Variants in DCLRE1A observed in about 807,000 individuals in gnomAD.
The protein encoded by DCLRE1A is DNA cross-link repair 1A protein.
DCLRE1A carries 64 observed loss-of-function variants against 91.9 expected under a neutral mutation model. The observed-to-expected ratio is 0.70, with a 90% CI of 0.57 to 0.86. The LOEUF (loss-of-function observed/expected upper bound fraction) is 0.86, where lower values mean the gene tolerates loss of function less well. Ranked by LOEUF, DCLRE1A falls within the 40% of genes least tolerant of loss-of-function variation. The probability of loss-of-function intolerance (pLI) is 0.00; values close to 1 mark genes in which losing one functional copy is unlikely to be tolerated. For synonymous variants in DCLRE1A, 416 were observed against 431.1 expected, an observed-to-expected ratio of 0.96 and a Z score of 0.43; for missense variants, 1,145 against 1,213.3, an observed-to-expected ratio of 0.94 and a Z score of 0.84.
chr10:113,848,911 T>A, intron 2 of DCLRE1A, 69 bp downstream of exon 2: 1 of 1,417,504 alleles, frequency 7.1e-7, no homozygotes, highest in Non-Finnish European at 9.7e-7. Flanking sequence ...ACACACACAA[T>A]GGGCAATAAA....
chr10:113,850,312 C>G lies in DCLRE1A; in HGVS notation c.793G>C (p.Val265Leu), dbSNP rs150197457. Residue 265 changes from valine to leucine, a missense_variant, in exon 2 of 9, where the codon GTT becomes CTT. By Grantham distance (32) the Val-to-Leu change is conservative. Coordinates refer to ENST00000361384, the MANE Select transcript of DCLRE1A (RefSeq NM_014881.5). ...ACTCCCACTAGTTTGTCATTCTCAA[C>G]AAAATCTGTAAATTGTAGAGCTTGT... ...SQQALQFTDF[V>L]ENDKLVGVAL... 5.0e-6 allele frequency: 8 copies of G among 1,614,198 alleles called. No homozygotes were observed. Among genetic ancestry groups the G allele is most frequent in the Non-Finnish European group, 3.4e-6 (4 of 1,180,040 alleles).
intron 4 of DCLRE1A, 126 bp downstream of exon 4, chr10:113,845,559 C>A: frequency 1.4e-6 from 1 of 705,372 alleles, no homozygotes. Context: ...AAAGGAGAAA[C>A]ATCTTACTCA....
chr10:113,844,338 A>C, intron 4 of DCLRE1A, 94 bp from the exon 5 acceptor site: 3 of 1,490,900 alleles, frequency 2.0e-6, no homozygotes, highest in South Asian at 2.6e-5. Context: ...ACGCTTTATT[A>C]GCTGACCACA....
In DCLRE1A at chr10:113,850,131, A is replaced by ACAAC. The variant is rs754258153; in HGVS notation, c.973_974insGTTG (p.Phe325CysfsTer15). 2 of 1,614,128 alleles carry ACAAC rather than the reference A, an allele frequency of 1.2e-6. No individual in the cohort carries two copies. Among genetic ancestry groups the ACAAC allele is most frequent in the South Asian group, 2.2e-5 (2 of 91,082 alleles). On this transcript the variant is annotated frameshift_variant, in exon 2 of 9. Transcript: ENST00000361384. LOFTEE classifies it high-confidence loss of function. ...GCTGCCATCTTTTGAGCTTTCGGTA[A>ACAAC]AAAACAGTTGTTCTTGTGAATCATC...
In DCLRE1A at chr10:113,835,143, G is replaced by T; in HGVS notation, c.*9C>A. 1 of 1,611,622 alleles carries T rather than the reference G, an allele frequency of 6.2e-7. No individual in the cohort carries two copies. The highest frequency in any genetic ancestry group is 1.7e-4 in the Middle Eastern group (1 of 6,044). On this transcript the variant is annotated 3_prime_UTR_variant, in exon 9 of 9. Transcript: ENST00000361384. ...GAACTTAACTACTACTGAATCCTCG[G>T]AGGTATCATCAATATCCAGCTTCCA...
intron 7 of DCLRE1A, among the ~76,000 whole-genome samples, chr10:113,838,490 AAACAAAAACTTT>A (rs2134647280): frequency 6.6e-6 from 1 of 152,334 alleles, no homozygotes; most frequent in East Asian, 1.9e-4. Context: ...CTTGTACCAT[AAACAAAAACTTT>A]GGATACTATC....
chr10:113,844,178 G>C lies in DCLRE1A; in HGVS notation c.2445C>G (p.Asp815Glu). The change falls in exon 5 of 9, where the codon GAC becomes GAG. Residue 815 changes from aspartate (D) to glutamate (E), a missense_variant. Physicochemically the swap from Asp to Glu is conservative, Grantham distance 45. Coordinates refer to ENST00000361384, the MANE Select transcript of DCLRE1A (RefSeq NM_014881.5). The part of the protein sequence containing the change: ...PNGTVILHTG[D>E]FRADPSMERS... ...GTTCCATGCTGGGATCTGCTCTGAA[G>C]TCTCCCGTGTGTAATATGACAGTAC... 2.5e-6 allele frequency: 4 copies of C among 1,614,170 alleles called. No homozygotes were observed. Among genetic ancestry groups the C allele is most frequent in the Non-Finnish European group, 3.4e-6 (4 of 1,180,024 alleles).
chr10:113,844,632 T>C (rs1845501637), intron 4 of DCLRE1A, among the ~76,000 whole-genome samples: 1 of 152,194 alleles, frequency 6.6e-6, no homozygotes, highest in South Asian at 2.1e-4. Flanking sequence ...CCCCATAAAG[T>C]TGACTTTAAA....
chr10:113,844,134 T>A lies in DCLRE1A; in HGVS notation c.2489A>T (p.Gln830Leu). 1 of 1,614,204 alleles carries A rather than the reference T, an allele frequency of 6.2e-7. No individual in the cohort carries two copies. Among genetic ancestry groups the A allele is most frequent in the Non-Finnish European group, 8.5e-7 (1 of 1,180,022 alleles). Residue 830 changes from glutamine to leucine, a missense_variant, in exon 5 of 9, where the codon CAG (glutamine) becomes CTG (leucine). Transcript: ENST00000361384. ...ATCTAAGTACAGCATATGGACTTTC[T>A]GGTCCGCAAGAAGAGAACGTTCCAT... ...PSMERSLLADQKVHMLYLDTT... is the reference protein window; with the variant it reads ...PSMERSLLADLKVHMLYLDTT...
In DCLRE1A at chr10:113,837,135, T is replaced by A. The variant is rs758587556; in HGVS notation, c.2889A>T (p.Gly963=). 1 of 1,613,554 alleles carries A rather than the reference T, an allele frequency of 6.2e-7. No homozygotes were observed. The highest frequency in any genetic ancestry group is 1.7e-5 in the Admixed American group (1 of 59,952). ...TAGTGAACTTGTTAGAGTGTGTCCA[T>A]CCTGTAGGTCGAAATGCCAAAATCT... ...YNQILAFRPT[G]WTHSNKFTRI... The change falls in exon 8 of 9, where the codon GGA becomes GGT. Residue 963 remains glycine, a synonymous_variant. Coordinates refer to ENST00000361384, the MANE Select transcript of DCLRE1A (RefSeq NM_014881.5).
At position 113,849,195 on chromosome 10, in the gene DCLRE1A, CTCT is replaced by C. The variant is rs1845595872; in HGVS notation, c.1907_1909del (p.Lys636del). ...CTGCAGTGAATTTGACTTTCTACAT[CTCT>C]TTTTTTGACGCTGTGACCTCTCACT... On this transcript the variant is annotated inframe_deletion, in exon 2 of 9. Transcript: ENST00000361384. The C allele has an allele frequency of 2.5e-6, 4 of 1,613,966 alleles. No individual in the cohort carries two copies. The highest frequency in any genetic ancestry group is 1.7e-5 in the Admixed American group (1 of 60,012).
intron 8 of DCLRE1A, 96 bp downstream of exon 8, chr10:113,836,966 G>T: frequency 9.4e-7 from 1 of 1,060,082 alleles, no homozygotes; most frequent in South Asian, 1.8e-5. Flanking sequence ...AAATTCTTTG[G>T]TGCCTGTTTT....
intron 5 of DCLRE1A, 86 bp downstream of exon 5, chr10:113,844,018 C>A (rs1258741950): frequency 6.6e-7 from 1 of 1,518,730 alleles, no homozygotes; most frequent in Non-Finnish European, 8.9e-7. Flanking sequence ...TAATAATTGG[C>A]AATAAGCCAT....
rs374704677 is a variant in DCLRE1A at position 113,844,200 on chromosome 10, G to T, written c.2423C>A (p.Thr808Asn). The T allele has an allele frequency of 1.2e-6, 2 of 1,614,018 alleles. No individual in the cohort carries two copies. Among genetic ancestry groups the T allele is most frequent in the African/African-American group, 2.7e-5 (2 of 74,922 alleles). The change falls in exon 5 of 9, where the codon ACT becomes AAT. Residue 808 changes from threonine (T) to asparagine (N), a missense_variant. By Grantham distance (65) the Thr-to-Asn change is moderately conservative. Coordinates refer to ENST00000361384, the MANE Select transcript of DCLRE1A (RefSeq NM_014881.5). ...GAAGTCTCCCGTGTGTAATATGACA[G>T]TACCATTAGGAAGATAAAAGAGGAT... ...VMILFYLPNGTVILHTGDFRA... is the reference protein window; with the variant it reads ...VMILFYLPNGNVILHTGDFRA...
chr10:113,838,931 A>G (rs903210093), intron 7 of DCLRE1A, among the ~76,000 whole-genome samples: 10 of 152,194 alleles, frequency 6.6e-5, no homozygotes, highest in African/African-American at 2.4e-4. Flanking sequence ...TTTCACAGAA[A>G]GTAATTATCT....
Position 113,835,180 on chromosome 10 carries a change from CTAAAA to C in DCLRE1A, c.3090_3094del (p.Tyr1030Ter). On this transcript the variant is annotated stop_gained and frameshift_variant, in exon 9 of 9. Transcript: ENST00000361384. LOFTEE classifies it high-confidence loss of function. ...ATATCCAGCTTCCAATTTCCACTCT[CTAAAA>C]TATTTCTCCATTGTGCTCCTAGATT... The C allele has an allele frequency of 1.2e-6, 2 of 1,613,998 alleles. No homozygotes were observed. Among genetic ancestry groups the C allele is most frequent in the South Asian group, 1.1e-5 (1 of 91,014 alleles).
At chr10:113,839,793 C>T (rs1300291939) in intron 7 of DCLRE1A, among the ~76,000 whole-genome samples, 1 of 152,296 alleles carries the variant, frequency 6.6e-6, no homozygotes, top group East Asian at 1.9e-4. Flanking sequence ...ACACCATTAG[C>T]AGCTAGGAGC....
At chr10:113,842,755 T>G (rs1404158238) in intron 5 of DCLRE1A, among the ~76,000 whole-genome samples, 2 of 152,182 alleles carry the variant, frequency 1.3e-5, no homozygotes, top group African/African-American at 4.8e-5. Context: ...ACTTTTTTCC[T>G]CCAAGAATAT....
At chr10:113,851,502 CACA>C (rs1224952665) in intron 1 of DCLRE1A, among the ~76,000 whole-genome samples, 1 of 152,004 alleles carries the variant, frequency 6.6e-6, no homozygotes, top group Non-Finnish European at 1.5e-5. Context: ...TATAAATCAT[CACA>C]ACAACCTGTT....
Sources: gnomAD v4.1 joint callset for allele counts (sites outside exome capture counted in the v4.1 genomes callset) on GRCh38, gnomAD v4.1.1 for gene constraint, MANE v1.5 for transcripts, NCBI Gene and HGNC (gene_info 2026-07-23, HGNC 2026-07-21) for gene names.